The following SH3BGRL2 variants were observed in gnomAD, a reference collection of about 807,000 sequenced individuals.
SH3BGRL2 encodes SH3 domain binding glutamate rich protein like 2, also known as SH3 domain-binding glutamic acid-rich-like protein 2.
SH3BGRL2 carries 21 observed loss-of-function variants against 14.8 expected under a neutral mutation model. The observed-to-expected ratio is 1.42, with a 90% CI of 1.01 to 2.05. The LOEUF (loss-of-function observed/expected upper bound fraction) is 2.05, where lower values mean the gene tolerates loss of function less well. Ranked by LOEUF, SH3BGRL2 falls within the 30% of genes most tolerant of loss-of-function variation. The pLI, the probability that SH3BGRL2 is intolerant of heterozygous loss-of-function variation, is 0.00. For missense variants in SH3BGRL2, 147 were observed against 130.8 expected, an observed-to-expected ratio of 1.12 and a Z score of -0.61; for synonymous variants, 50 against 47.8, an observed-to-expected ratio of 1.05 and a Z score of -0.19.
chr6:79,630,857 A>G (rs929259204), upstream of SH3BGRL2, among the ~76,000 whole-genome samples: 3 of 151,984 alleles, frequency 2.0e-5, no homozygotes, highest in African/African-American at 7.3e-5. Context: ...GCCCAACCCC[A>G]CCGCCCACAC....
At chr6:79,668,541 AC>A (rs1234659878) in intron 1 of SH3BGRL2, among the ~76,000 whole-genome samples, 3 of 152,128 alleles carry the variant, frequency 2.0e-5, no homozygotes, top group South Asian at 4.2e-4. Flanking sequence ...TCAGTGGCCA[AC>A]AAGGCTGCTT....
chr6:79,654,377 T>G (rs1298750074), intron 1 of SH3BGRL2, among the ~76,000 whole-genome samples: 1 of 152,214 alleles, frequency 6.6e-6, no homozygotes, highest in Non-Finnish European at 1.5e-5. Flanking sequence ...TTGTGTGGGA[T>G]TTTGTTTGAC....
At chr6:79,618,287 A>G in the SH3BGRL2 span, among the ~76,000 whole-genome samples, 4 of 152,276 alleles carry the variant, frequency 2.6e-5, no homozygotes, top group South Asian at 6.2e-4. Flanking sequence ...TGGATTTTTT[A>G]CTTATTCAAT....
At chr6:79,563,423 A>AAAT in the SH3BGRL2 span, among the ~76,000 whole-genome samples, 1 of 151,996 alleles carries the variant, frequency 6.6e-6, no homozygotes, top group Non-Finnish European at 1.5e-5. Context: ...AGCTTGGTCT[A>AAAT]TATTAAGTCC....
chr6:79,650,588 TGA>T (rs1491195256), intron 1 of SH3BGRL2, among the ~76,000 whole-genome samples: 2 of 151,872 alleles, frequency 1.3e-5, no homozygotes, highest in Admixed American at 6.6e-5. Context: ...AGGAAGGACA[TGA>T]GAGAGAGAAG....
At chr6:79,637,006 A>G (rs1768937787) in intron 1 of SH3BGRL2, among the ~76,000 whole-genome samples, 1 of 152,182 alleles carries the variant, frequency 6.6e-6, no homozygotes, top group Admixed American at 6.5e-5. Context: ...AGCATGCAAC[A>G]TGAGGATTGA....
chr6:79,614,060 TGA>T, the SH3BGRL2 span, among the ~76,000 whole-genome samples: 2 of 152,042 alleles, frequency 1.3e-5, no homozygotes, highest in South Asian at 2.1e-4. Flanking sequence ...GTCCCTGTAG[TGA>T]GAGAGTCCCA....
Position 79,639,445 on chromosome 6 carries a change from G to A in SH3BGRL2, c.45+7939G>A, listed in dbSNP as rs1242499965. Among the ~76,000 whole-genome samples the A allele has an allele frequency of 2.6e-5, 4 of 151,814 alleles. 1 individual carries two copies. Among genetic ancestry groups the A allele is most frequent in the Non-Finnish European group, 5.9e-5 (4 of 67,962 alleles). On this transcript the variant is annotated intron_variant, in intron 1 of 3. Coordinates refer to ENST00000369838, the MANE Select transcript of SH3BGRL2 (RefSeq NM_031469.4). ...CTCTACAAAAAATATAAAAATTAGC[G>A]GGGCATGGTGGCATGTGCCTGTAGT...
At chr6:79,550,220 AAGG>A in the SH3BGRL2 span, among the ~76,000 whole-genome samples, 2 of 152,160 alleles carry the variant, frequency 1.3e-5, no homozygotes, top group Non-Finnish European at 2.9e-5. Flanking sequence ...ATTTAGATGA[AAGG>A]AGGAGAATTA....
the SH3BGRL2 span, among the ~76,000 whole-genome samples, chr6:79,577,440 T>A: frequency 6.6e-6 from 1 of 152,222 alleles, no homozygotes; most frequent in Non-Finnish European, 1.5e-5. Context: ...CCATATATAC[T>A]AAACCCTTTA....
chr6:79,541,676 G>C, the SH3BGRL2 span, among the ~76,000 whole-genome samples: 1 of 152,176 alleles, frequency 6.6e-6, no homozygotes, highest in African/African-American at 2.4e-5. Context: ...CCAAGAGTTT[G>C]CTTCGGGAAA....
chr6:79,693,421 TC>T (rs1223992527), intron 2 of SH3BGRL2, among the ~76,000 whole-genome samples: 3 of 151,014 alleles, frequency 2.0e-5, no homozygotes, highest in Admixed American at 1.3e-4. Flanking sequence ...AGAGAGGGCA[TC>T]CCTGTCTTGT....
chr6:79,617,383 A>G, the SH3BGRL2 span, among the ~76,000 whole-genome samples: 2 of 152,138 alleles, frequency 1.3e-5, no homozygotes, highest in Non-Finnish European at 2.9e-5. Context: ...AAGAATATGG[A>G]CATTTTCTTA....
chr6:79,653,367 TC>T (rs1430504374), intron 1 of SH3BGRL2, among the ~76,000 whole-genome samples: 1 of 152,202 alleles, frequency 6.6e-6, no homozygotes, highest in African/African-American at 2.4e-5. Flanking sequence ...CTTTAAATCA[TC>T]TGATTATCTC....
intron 1 of SH3BGRL2, among the ~76,000 whole-genome samples, chr6:79,657,503 C>A (rs1405252054): frequency 1.3e-5 from 2 of 152,090 alleles, no homozygotes; most frequent in African/African-American, 4.8e-5. Context: ...GTGGAAGACG[C>A]TGATTTTAGT....
rs1770411242 is a variant in SH3BGRL2 at position 79,699,597 on chromosome 6, A to C, written c.*88A>C. 3 of 1,430,274 alleles carry C rather than the reference A, an allele frequency of 2.1e-6. No individual in the cohort carries two copies. The East Asian group carries it at 7.0e-5, about 34-fold the overall frequency. 88.6% of individuals were successfully genotyped at this position (1,430,274 alleles called of 1,614,324 possible). On this transcript the variant is annotated 3_prime_UTR_variant, in exon 4 of 4. Transcript: ENST00000369838. Reference sequence around the variant, plus strand: ...TGCTTACCTAATGCATCACTGTGACAAAAGCCACACGCATTATCAGTAACT... The same window carrying C: ...TGCTTACCTAATGCATCACTGTGACCAAAGCCACACGCATTATCAGTAACT...
At chr6:79,551,715 C>T in the SH3BGRL2 span, among the ~76,000 whole-genome samples, 7 of 152,172 alleles carry the variant, frequency 4.6e-5, no homozygotes, top group African/African-American at 1.7e-4. Context: ...TGAACAAACA[C>T]ACGTGTAACA....
At chr6:79,559,239 G>T in the SH3BGRL2 span, among the ~76,000 whole-genome samples, 7 of 152,128 alleles carry the variant, frequency 4.6e-5, no homozygotes, top group South Asian at 1.2e-3. Context: ...TGAGGTGGAT[G>T]GATTGCTTAA....
intron 1 of SH3BGRL2, among the ~76,000 whole-genome samples, chr6:79,635,534 C>A (rs991414127): frequency 9.8e-5 from 15 of 152,368 alleles, no homozygotes; most frequent in African/African-American, 1.4e-4. Context: ...GACATGTACT[C>A]TGCCCTCATG....
Sources: gnomAD v4.1 joint callset for allele counts (sites outside exome capture counted in the v4.1 genomes callset) on GRCh38, gnomAD v4.1.1 for gene constraint, MANE v1.5 for transcripts, NCBI Gene and HGNC (gene_info 2026-07-23, HGNC 2026-07-21) for gene names.